The following SPACA7 variants were observed in gnomAD, a reference collection of about 807,000 sequenced individuals.
The protein encoded by SPACA7 is sperm acrosome-associated protein 7.
Under a neutral mutation model 26.3 loss-of-function variants are expected in SPACA7, and 19 were observed. That is an observed-to-expected ratio of 0.72 (90% confidence interval 0.50 to 1.06). SPACA7 has a LOEUF of 1.06. Ranked by LOEUF, SPACA7 falls within the 50% of genes least tolerant of loss-of-function variation. SPACA7 has a pLI of 0.00. For synonymous variants in SPACA7, 84 were observed against 84.5 expected (o/e 0.99, Z 0.04); for missense variants, 211 against 229.9 (o/e 0.92, Z 0.53).
At chr13:112,386,826 T>C (rs1015128928) in intron 1 of SPACA7, among the ~76,000 whole-genome samples, 2 of 152,204 alleles carry the variant, frequency 1.3e-5, no homozygotes, top group African/African-American at 4.8e-5. Flanking sequence ...CCAGGCCAAG[T>C]GGCTAATATT....
chr13:112,386,893 G>A (rs1884562308), intron 1 of SPACA7, among the ~76,000 whole-genome samples: 1 of 152,128 alleles, frequency 6.6e-6, no homozygotes, highest in South Asian at 2.1e-4. Flanking sequence ...AACATGGTAA[G>A]AAGTTTCTTT....
At position 112,395,003 on chromosome 13, in the gene SPACA7, C is replaced by T. The variant is rs148683886; in HGVS notation, c.151+1926C>T. Reference sequence around the variant, plus strand: ...GAATTCAAATCCCTGTGGAGGTCAGCGAAGCCCACCCAGGCAGGCCAGGCC... The same window carrying T: ...GAATTCAAATCCCTGTGGAGGTCAGTGAAGCCCACCCAGGCAGGCCAGGCC... On this transcript the variant is annotated intron_variant, in intron 2 of 6. Coordinates refer to ENST00000283550, the MANE Select transcript of SPACA7 (RefSeq NM_145248.5). Among the ~76,000 whole-genome samples the T allele has an allele frequency of 8.3e-3, 1,269 of 152,024 alleles. 16 individuals are homozygous for T. Among genetic ancestry groups the T allele is most frequent in the African/African-American group, 0.027 (1,126 of 41,478 alleles).
chr13:112,376,498 G>A lies in SPACA7; in HGVS notation c.94+19G>A. ...ATTCCAGGTAGGGCCCCACAGGGAT[G>A]TCTCAGCAGAAAGAGAACTGAACCA... is the stretch of plus-strand genomic sequence containing the variant. On this transcript the variant is annotated intron_variant, in intron 1 of 6. Coordinates refer to ENST00000283550, the MANE Select transcript of SPACA7 (RefSeq NM_145248.5). The A allele has an allele frequency of 3.1e-6, 5 of 1,607,320 alleles. No homozygotes were observed. The highest frequency in any genetic ancestry group is 4.2e-6 in the Non-Finnish European group (5 of 1,176,868).
At chr13:112,422,796 C>A (rs1475096103) in intron 5 of SPACA7, among the ~76,000 whole-genome samples, 4 of 152,186 alleles carry the variant, frequency 2.6e-5, no homozygotes, top group African/African-American at 9.6e-5. Flanking sequence ...TTGCTTTTTA[C>A]ATAAACATGC....
intron 1 of SPACA7, among the ~76,000 whole-genome samples, chr13:112,381,300 G>T (rs1292540523): frequency 6.6e-6 from 1 of 151,888 alleles, no homozygotes; most frequent in Admixed American, 6.6e-5. Context: ...AACCAGCCTG[G>T]GAAATATGGT....
intron 5 of SPACA7, among the ~76,000 whole-genome samples, chr13:112,411,928 G>A (rs1886378853): frequency 1.3e-5 from 2 of 151,990 alleles, no homozygotes; most frequent in South Asian, 2.1e-4. Context: ...TTTCTTTGAT[G>A]TACTGATTTG....
At chr13:112,394,230 G>T (rs868738373) in intron 2 of SPACA7, among the ~76,000 whole-genome samples, 16 of 151,842 alleles carry the variant, frequency 1.1e-4, no homozygotes, top group South Asian at 2.1e-4. Flanking sequence ...TACATGTGGG[G>T]AAACTGAGGC....
intron 1 of SPACA7, among the ~76,000 whole-genome samples, chr13:112,381,843 TG>T (rs1884090645): frequency 6.6e-6 from 1 of 152,184 alleles, no homozygotes; most frequent in Non-Finnish European, 1.5e-5. Flanking sequence ...TTTATCCATC[TG>T]GGTGGTGCCG....
At chr13:112,434,027 A>T (rs1461510377) in intron 6 of SPACA7, among the ~76,000 whole-genome samples, 1 of 152,164 alleles carries the variant, frequency 6.6e-6, no homozygotes, top group Non-Finnish European at 1.5e-5. Context: ...CCTGTACGTC[A>T]CCAGCACCTC....
intron 6 of SPACA7, among the ~76,000 whole-genome samples, chr13:112,433,527 C>T (rs1877403544): frequency 6.6e-6 from 1 of 151,792 alleles, no homozygotes; most frequent in South Asian, 2.1e-4. Context: ...AGCCTGTTGG[C>T]TGCTGCTCCC....
intron 1 of SPACA7, among the ~76,000 whole-genome samples, chr13:112,390,754 AG>A (rs1299504478): frequency 6.6e-6 from 1 of 152,226 alleles, no homozygotes; most frequent in Non-Finnish European, 1.5e-5. Context: ...GAGAACAGCA[AG>A]GGGGACGCCA....
At chr13:112,402,432 A>G (rs929176695) in intron 5 of SPACA7, among the ~76,000 whole-genome samples, 3 of 152,144 alleles carry the variant, frequency 2.0e-5, no homozygotes, top group Non-Finnish European at 4.4e-5. Flanking sequence ...TTTATCATTG[A>G]TTATCTAGGG....
chr13:112,425,566 TA>T (rs1488502681), intron 5 of SPACA7, among the ~76,000 whole-genome samples: 1 of 151,678 alleles, frequency 6.6e-6, no homozygotes, highest in Non-Finnish European at 1.5e-5. Flanking sequence ...AAGAACAGAA[TA>T]AAGACAGAGT....
At chr13:112,404,393 C>A (rs1885842726) in intron 5 of SPACA7, among the ~76,000 whole-genome samples, 2 of 152,178 alleles carry the variant, frequency 1.3e-5, no homozygotes, top group Admixed American at 6.5e-5. Flanking sequence ...CTGATTATTT[C>A]TCTTGCTGTG....
intron 1 of SPACA7, among the ~76,000 whole-genome samples, chr13:112,386,022 A>G (rs1249136799): frequency 6.6e-6 from 1 of 152,214 alleles, no homozygotes; most frequent in Admixed American, 6.5e-5. Flanking sequence ...GCAAAGACAG[A>G]TCCCTAAAAT....
chr13:112,428,359 T>C (rs1003579304), intron 5 of SPACA7, among the ~76,000 whole-genome samples: 2 of 152,108 alleles, frequency 1.3e-5, no homozygotes, highest in African/African-American at 4.8e-5. Flanking sequence ...GCAGATGGAT[T>C]ACTTGAGGTC....
chr13:112,399,401 G>A (rs1885494294), intron 4 of SPACA7, among the ~76,000 whole-genome samples: 1 of 152,268 alleles, frequency 6.6e-6, no homozygotes, highest in African/African-American at 2.4e-5. Flanking sequence ...ACACAGCCCA[G>A]GGAAGCACAG....
chr13:112,377,166 A>T (rs1349565234), intron 1 of SPACA7, among the ~76,000 whole-genome samples: 3 of 152,204 alleles, frequency 2.0e-5, no homozygotes, highest in African/African-American at 7.2e-5. Flanking sequence ...TCTTTGCTAA[A>T]CTGATTCAGC....
At chr13:112,421,917 C>G (rs1876025352) in intron 5 of SPACA7, among the ~76,000 whole-genome samples, 1 of 152,034 alleles carries the variant, frequency 6.6e-6, no homozygotes, top group Non-Finnish European at 1.5e-5. Context: ...GATGAGAACA[C>G]ATGGACACAT....
Sources: gnomAD v4.1 joint callset for allele counts (sites outside exome capture counted in the v4.1 genomes callset) on GRCh38, gnomAD v4.1.1 for gene constraint, MANE v1.5 for transcripts, NCBI Gene and HGNC (gene_info 2026-07-23, HGNC 2026-07-21) for gene names.